Variants in MACROD2 observed in about 807,000 individuals in gnomAD.
MACROD2 encodes mono-ADP ribosylhydrolase 2.
In MACROD2, 36 loss-of-function variants were observed where a neutral mutation model predicts 70.4. That is an observed-to-expected ratio of 0.51 (90% confidence interval 0.39 to 0.68). MACROD2 has a LOEUF of 0.68. Ranked by LOEUF, MACROD2 falls within the 30% of genes least tolerant of loss-of-function variation. The pLI is 0.00. For missense variants in MACROD2, 496 were observed against 538.4 expected (o/e 0.92, Z 0.78); for synonymous variants, 172 against 178.8 (o/e 0.96, Z 0.30).
At chr20:14,934,026 T>C (rs912336215) in intron 5 of MACROD2, 34 of 152,194 alleles carry the variant, frequency 2.2e-4, no homozygotes, top group African/African-American at 7.5e-4. Context: ...ACTTGTCAAG[T>C]TGCACAACTG....
intron 12 of MACROD2, among the ~76,000 whole-genome samples, chr20:15,954,477 G>A: frequency 6.6e-6 from 1 of 152,064 alleles, no homozygotes; most frequent in South Asian, 2.1e-4. Context: ...TTTTTCTGTT[G>A]TTGTTTGCAT....
At chr20:14,970,346 TATAAA>T (rs146001095) in intron 5 of MACROD2, among the ~76,000 whole-genome samples, 3,340 of 152,248 alleles carry the variant, frequency 0.022, 130 homozygotes, top group African/African-American at 0.075. Flanking sequence ...AAAGTCAGCC[TATAAA>T]ATAAATCAAA....
At position 14,655,070 on chromosome 20, in the gene MACROD2, A is replaced by G. The variant is rs146298413; in HGVS notation, c.302-29773A>G. ...AGACTGTTAAATATTTTCTCTGACT[A>G]TAGTTGCCCTCAGCAATATCCAGAA... On this transcript the variant is annotated intron_variant, in intron 4 of 17. Coordinates refer to ENST00000684519, the MANE Select transcript of MACROD2 (RefSeq NM_001351661.2). 1.8e-4 allele frequency among the ~76,000 whole-genome samples: 27 copies of G among 152,192 alleles called. No homozygotes were observed. In the East Asian group the frequency reaches 4.1e-3, roughly 23 times the overall value.
intron 8 of MACROD2, among the ~76,000 whole-genome samples, chr20:15,740,519 A>G (rs934642205): frequency 7.9e-5 from 12 of 152,170 alleles, no homozygotes; most frequent in African/African-American, 2.9e-4. Context: ...GAGAAGAACC[A>G]CAAGCACTGG....
chr20:15,467,581 A>G (rs1443886271), intron 7 of MACROD2, among the ~76,000 whole-genome samples: 2 of 151,888 alleles, frequency 1.3e-5, no homozygotes, highest in African/African-American at 4.8e-5. Flanking sequence ...TCTCTCTCTT[A>G]TTCCAAATCT....
intron 2 of MACROD2, 76 bp downstream of exon 2, chr20:14,002,480 G>T (rs1429686943): frequency 1.2e-6 from 1 of 833,724 alleles, no homozygotes; most frequent in East Asian, 2.5e-5. Context: ...TGAATAACTG[G>T]CGTTCAATAA....
chr20:15,214,332 C>T (rs541786173), intron 5 of MACROD2, among the ~76,000 whole-genome samples: 1 of 152,180 alleles, frequency 6.6e-6, no homozygotes, highest in South Asian at 2.1e-4. Context: ...CAAGAATATT[C>T]CATGGACTCT....
At chr20:14,731,209 T>C (rs1040756162) in intron 5 of MACROD2, among the ~76,000 whole-genome samples, 21 of 152,044 alleles carry the variant, frequency 1.4e-4, no homozygotes, top group Admixed American at 8.5e-4. Context: ...AACAACACTT[T>C]AAAGAGATGA....
intron 2 of MACROD2, among the ~76,000 whole-genome samples, chr20:14,039,382 G>A (rs917282497): frequency 6.6e-6 from 1 of 151,994 alleles, no homozygotes; most frequent in South Asian, 2.1e-4. Flanking sequence ...AACTTTCCTG[G>A]GGTACTGAAA....
chr20:15,157,923 T>C (rs2076320796), intron 5 of MACROD2, among the ~76,000 whole-genome samples: 2 of 152,260 alleles, frequency 1.3e-5, no homozygotes, highest in Admixed American at 6.5e-5. Flanking sequence ...AGGCTCCCCA[T>C]TGCTGTGAAC....
chr20:15,948,423 AAG>A, intron 12 of MACROD2, among the ~76,000 whole-genome samples: 1 of 149,994 alleles, frequency 6.7e-6, no homozygotes, highest in African/African-American at 2.4e-5. Context: ...GGAAAAAGAA[AAG>A]AAAAGAAAAT....
At chr20:15,082,134 A>G (rs1312524050) in intron 5 of MACROD2, among the ~76,000 whole-genome samples, 1 of 152,176 alleles carries the variant, frequency 6.6e-6, no homozygotes, top group Non-Finnish European at 1.5e-5. Context: ...GTGAGAATTA[A>G]GGACCACCCA....
At chr20:14,638,236 A>G (rs1984892188) in intron 4 of MACROD2, among the ~76,000 whole-genome samples, 1 of 152,186 alleles carries the variant, frequency 6.6e-6, no homozygotes, top group African/African-American at 2.4e-5. Flanking sequence ...ATGGTATCAG[A>G]TGATTTTTTA....
intron 5 of MACROD2, among the ~76,000 whole-genome samples, chr20:15,170,232 G>T (rs1224276454): frequency 2.0e-5 from 3 of 152,170 alleles, no homozygotes; most frequent in Non-Finnish European, 4.4e-5. Flanking sequence ...AGCATGTATT[G>T]TTCAGGGTTC....
At chr20:15,897,400 C>G (rs979447272) in intron 10 of MACROD2, among the ~76,000 whole-genome samples, 1 of 151,932 alleles carries the variant, frequency 6.6e-6, no homozygotes, top group Non-Finnish European at 1.5e-5. Flanking sequence ...TTTATATATC[C>G]TTCTTAGAAT....
chr20:15,623,679 CCTATCTATCTATCTATCTAT>C (rs3071265), intron 8 of MACROD2, among the ~76,000 whole-genome samples: 64 of 148,248 alleles, frequency 4.3e-4, no homozygotes, highest in Non-Finnish European at 7.1e-4. Context: ...AAGTTATCTG[CCTATCTATCTATCTATCTAT>C]CTATCTATCT....
rs1316892804 is a variant in MACROD2, at chr20:14,802,128, G to C, written c.418+117169G>C. On this transcript the variant is annotated intron_variant, in intron 5 of 17. Coordinates refer to ENST00000684519, the MANE Select transcript of MACROD2 (RefSeq NM_001351661.2). ...AATGTGATGTCGCATGTGCTGAACT[G>C]AGTGGTGTGCCTGCAGAAGAAGCCT... Among the ~76,000 whole-genome samples, 3 of 152,184 alleles carry C rather than the reference G, an allele frequency of 2.0e-5. No homozygotes were observed. In the East Asian group the frequency reaches 5.8e-4, roughly 29 times the overall value.
At chr20:15,143,450 C>T (rs1266498741) in intron 5 of MACROD2, among the ~76,000 whole-genome samples, 1 of 152,068 alleles carries the variant, frequency 6.6e-6, no homozygotes, top group African/African-American at 2.4e-5. Context: ...AATTTGTTCC[C>T]ATTCTGTAGG....
intron 3 of MACROD2, among the ~76,000 whole-genome samples, chr20:14,482,675 A>G (rs1055320943): frequency 1.3e-5 from 2 of 151,974 alleles, no homozygotes; most frequent in African/African-American, 4.8e-5. Flanking sequence ...AAAAGGAAAC[A>G]TACGTTCCAT....
Sources: allele counts gnomAD v4.1 joint callset (sites outside exome capture counted in the v4.1 genomes callset), GRCh38; gene constraint gnomAD v4.1.1; transcripts MANE v1.5; gene names NCBI Gene and HGNC (gene_info 2026-07-23, HGNC 2026-07-21).